The following PCDHA5 variants were observed in gnomAD, a reference collection of about 807,000 sequenced individuals.
The protein encoded by PCDHA5 is protocadherin alpha-5.
In PCDHA5, 43 loss-of-function variants were observed where a neutral mutation model predicts 61.6. That is an observed-to-expected ratio of 0.70 (90% CI 0.55 to 0.90). The LOEUF is 0.90. PCDHA5 is among the 40% of genes least tolerant of loss of function. The probability of loss-of-function intolerance (pLI) is 0.00; values close to 1 mark genes in which losing one functional copy is unlikely to be tolerated. For missense variants in PCDHA5, 1,298 were observed against 1,222.7 expected (o/e 1.06, Z -0.92); for synonymous variants, 627 against 543.9 (o/e 1.15, Z -2.13).
intron 1 of PCDHA5, among the ~76,000 whole-genome samples, chr5:140,971,478 A>C (rs111781444): frequency 3.5e-4 from 53 of 152,260 alleles, no homozygotes; most frequent in African/African-American, 1.3e-3. Flanking sequence ...AGAGAGTGTC[A>C]CATTGTTACA....
intron 1 of PCDHA5, chr5:140,862,434 T>C: frequency 2.8e-6 from 1 of 354,954 alleles, no homozygotes; most frequent in South Asian, 2.1e-5. Flanking sequence ...AAACTATTCG[T>C]TGGTACTCCA....
chr5:140,990,369 C>T (rs2097390541), intron 3 of PCDHA5, among the ~76,000 whole-genome samples: 1 of 152,054 alleles, frequency 6.6e-6, no homozygotes, highest in South Asian at 2.1e-4. Flanking sequence ...TCTAATAAAG[C>T]AAATTTGTTG....
chr5:140,906,271 T>A (rs2072508162), intron 1 of PCDHA5, among the ~76,000 whole-genome samples: 1 of 152,180 alleles, frequency 6.6e-6, no homozygotes, highest in African/African-American at 2.4e-5. Flanking sequence ...AAATTATAGA[T>A]AATCTTCAAA....
intron 1 of PCDHA5, chr5:140,843,073 T>A: frequency 6.3e-7 from 1 of 1,595,338 alleles, no homozygotes; most frequent in East Asian, 2.2e-5. Flanking sequence ...TGCCGCGGTC[T>A]GTGGGCGCGG....
At chr5:140,850,070 C>T (rs2041326470) in intron 1 of PCDHA5, 3 of 1,596,448 alleles carry the variant, frequency 1.9e-6, no homozygotes, top group Admixed American at 1.7e-5. Context: ...CGTTGGACCA[C>T]GAGGAGCTGG....
intron 1 of PCDHA5, among the ~76,000 whole-genome samples, chr5:140,914,475 T>A (rs1473439533): frequency 6.6e-6 from 1 of 152,204 alleles, no homozygotes; most frequent in Non-Finnish European, 1.5e-5. Context: ...TCTTCATAGG[T>A]GAAGTGTTTC....
At chr5:140,862,509 T>C in intron 1 of PCDHA5, 1 of 405,718 alleles carries the variant, frequency 2.5e-6, no homozygotes, top group Non-Finnish European at 5.0e-6. Context: ...GGGGACTCGC[T>C]TTCATTGTTG....
At chr5:140,975,439 T>C (rs1376325988) in intron 1 of PCDHA5, among the ~76,000 whole-genome samples, 2 of 152,222 alleles carry the variant, frequency 1.3e-5, no homozygotes, top group Non-Finnish European at 2.9e-5. Context: ...CACCAGGATA[T>C]AGGGATCTTG....
intron 1 of PCDHA5, chr5:140,883,678 G>A (rs555791080): frequency 3.7e-6 from 6 of 1,613,902 alleles, no homozygotes; most frequent in South Asian, 3.3e-5. Flanking sequence ...ACAATCCGCC[G>A]GGCTGCCACA....
At chr5:140,901,137 A>T (rs2068464747) in intron 1 of PCDHA5, among the ~76,000 whole-genome samples, 1 of 151,974 alleles carries the variant, frequency 6.6e-6, no homozygotes, top group South Asian at 2.1e-4. Flanking sequence ...TAGATTGTAA[A>T]TATTTTCTCT....
At chr5:140,855,043 A>G (rs1177113480) in intron 1 of PCDHA5, among the ~76,000 whole-genome samples, 1 of 150,018 alleles carries the variant, frequency 6.7e-6, no homozygotes, top group African/African-American at 2.4e-5. Flanking sequence ...TTTTTCTGTA[A>G]TAGTACTTTT....
intron 1 of PCDHA5, among the ~76,000 whole-genome samples, chr5:140,831,951 A>C (rs1771772559): frequency 6.6e-6 from 1 of 152,140 alleles, no homozygotes; most frequent in Admixed American, 6.6e-5. Context: ...GAAAAGAAAA[A>C]CTTTATGTCA....
Position 140,853,221 on chromosome 5 carries a change from G to A in PCDHA5, c.2352+29094G>A, listed in dbSNP as rs1021063668. 12 of 983,626 alleles carry A rather than the reference G, an allele frequency of 1.2e-5. 1 individual carries two copies. The highest frequency in any genetic ancestry group is 1.5e-5 in the Non-Finnish European group (12 of 816,248). The allele number at this position is 983,626 out of a possible 1,614,324, so 60.9% of individuals were successfully genotyped here. A position where few individuals can be genotyped will look rare whatever the true frequency, so the allele number is the denominator to read the frequency against. On this transcript the variant is annotated intron_variant, in intron 1 of 3. Transcript: ENST00000529859. ...TATTGACGGCTGTATTGATGGGATT[G>A]GTAATTTAGTCCTTCATATTAATCT...
At chr5:141,002,485 C>T (rs1287282223) in intron 3 of PCDHA5, among the ~76,000 whole-genome samples, 2 of 152,154 alleles carry the variant, frequency 1.3e-5, no homozygotes, top group Non-Finnish European at 2.9e-5. Flanking sequence ...AAAGGATGAC[C>T]TTGTTATACA....
In PCDHA5 at chr5:140,927,525, T is replaced by G. The variant is rs782496581; in HGVS notation, c.2353-51424T>G. ...TTACAGCTCGGGACGGCGGGCTACC[T>G]GCCCGCTCAGGAGACGCACAAGTCA... On this transcript the variant is annotated intron_variant, in intron 1 of 3. Transcript: ENST00000529859. 3.1e-6 allele frequency: 5 copies of G among 1,614,088 alleles called. 1 individual carries two copies. In the South Asian group the frequency reaches 5.5e-5, roughly 18 times the overall value.
intron 1 of PCDHA5, among the ~76,000 whole-genome samples, chr5:140,946,637 G>T: frequency 1.5e-5 from 1 of 64,620 alleles, no homozygotes; most frequent in African/African-American, 1.0e-4. Flanking sequence ...TATATACAAT[G>T]GAATACTCAT....
intron 1 of PCDHA5, among the ~76,000 whole-genome samples, chr5:140,934,505 G>C (rs155823): frequency 0.32 from 48,260 of 151,744 alleles, 8,006 homozygotes; most frequent in East Asian, 0.53. Flanking sequence ...ACACCCAAAG[G>C]GTCCATAGAC....
rs2150235707 is a variant in PCDHA5 at position 140,835,435 on chromosome 5, C to T, written c.2352+11308C>T. 9.9e-6 allele frequency: 16 copies of T among 1,613,906 alleles called. 1 individual carries two copies. The highest frequency in any genetic ancestry group is 3.3e-5 in the Admixed American group (2 of 60,014). On this transcript the variant is annotated intron_variant, in intron 1 of 3. Coordinates refer to ENST00000529859, the MANE Select transcript of PCDHA5 (RefSeq NM_018908.3). ...GTAAATGACAATGCTCCACAGTTGA[C>T]TCTCACTTCCCTGTCTCTCCCTATT...
At chr5:140,930,649 G>A (rs1300720133) in intron 1 of PCDHA5, among the ~76,000 whole-genome samples, 1 of 152,156 alleles carries the variant, frequency 6.6e-6, no homozygotes, top group Non-Finnish European at 1.5e-5. Context: ...GGAAAATGAA[G>A]CATTCCTTGT....
Sources: allele counts gnomAD v4.1 joint callset (sites outside exome capture counted in the v4.1 genomes callset), GRCh38; gene constraint gnomAD v4.1.1; transcripts MANE v1.5; gene names NCBI Gene and HGNC (gene_info 2026-07-23, HGNC 2026-07-21).